SNRK: variants seen among roughly 807,000 people sequenced by gnomAD.
The protein encoded by SNRK is SNF-related serine/threonine-protein kinase.
In SNRK, 3 loss-of-function variants were observed where a neutral mutation model predicts 48.2. That is an observed-to-expected ratio of 0.06 (90% CI 0.03 to 0.16). The LOEUF is 0.16. Ranked by LOEUF, SNRK falls within the 10% of genes least tolerant of loss-of-function variation. The pLI is 1.00. For synonymous variants in SNRK, 376 were observed against 366.1 expected, an observed-to-expected ratio of 1.03 and a Z score of -0.31; for missense variants, 627 against 976.0, an observed-to-expected ratio of 0.64 and a Z score of 4.76.
chr3:43,340,319 A>C lies in SNRK; in HGVS notation c.764A>C (p.Lys255Thr). ...ACACGGATGCTACAGAGAGATCCCA[A>C]GAGAAGGGCTTCTTTAGAAGAGATT... ...LITRMLQRDP[K>T]RRASLEEIEN... The change falls in exon 5 of 7, where the codon AAG (lysine) becomes ACG (threonine). Residue 255 changes from lysine (K) to threonine (T), a missense_variant. Coordinates refer to ENST00000296088, the MANE Select transcript of SNRK (RefSeq NM_017719.5). 1 of 1,614,226 alleles carries C rather than the reference A, an allele frequency of 6.2e-7. No homozygotes were observed. The highest frequency in any genetic ancestry group is 8.5e-7 in the Non-Finnish European group (1 of 1,180,034).
intron 3 of SNRK, among the ~76,000 whole-genome samples, chr3:43,324,734 T>A (rs1279767036): frequency 1.3e-5 from 2 of 152,162 alleles, no homozygotes; most frequent in Non-Finnish European, 2.9e-5. Context: ...CTGATTTTTT[T>A]AATACAGGAA....
chr3:43,317,318 C>G (rs1437993290), intron 3 of SNRK, among the ~76,000 whole-genome samples: 1 of 152,064 alleles, frequency 6.6e-6, no homozygotes, highest in African/African-American at 2.4e-5. Context: ...GTGGAAAGTT[C>G]CAGATGAGAG....
chr3:43,306,322 A>G (rs1428399712), intron 3 of SNRK, among the ~76,000 whole-genome samples: 3 of 152,188 alleles, frequency 2.0e-5, no homozygotes, highest in East Asian at 3.8e-4. Context: ...GTTTAGTAAA[A>G]TGAGCATACA....
intron 3 of SNRK, among the ~76,000 whole-genome samples, chr3:43,318,251 CAT>C (rs1357151890): frequency 1.3e-5 from 2 of 152,048 alleles, no homozygotes; most frequent in African/African-American, 4.8e-5. Context: ...GGTTTTCTCA[CAT>C]GTTTTTAGTT....
chr3:43,296,896 T>C (rs1299802450), intron 1 of SNRK, among the ~76,000 whole-genome samples: 2 of 152,208 alleles, frequency 1.3e-5, no homozygotes, highest in Non-Finnish European at 2.9e-5. Flanking sequence ...ACCCACATGC[T>C]TCAGTTGCTT....
At chr3:43,340,670 T>C in intron 5 of SNRK, 171 bp downstream of exon 5, 1 of 621,176 alleles carries the variant, frequency 1.6e-6, no homozygotes, top group South Asian at 2.1e-5. Flanking sequence ...CACAGGTTTT[T>C]TTTGGTGTTT....
chr3:43,290,481 C>T (rs572438393), intron 1 of SNRK, among the ~76,000 whole-genome samples: 2 of 152,300 alleles, frequency 1.3e-5, no homozygotes, highest in African/African-American at 4.8e-5. Context: ...TGGATTTCTC[C>T]CTTTGCTTAG....
At chr3:43,324,712 T>C (rs1468819834) in intron 3 of SNRK, among the ~76,000 whole-genome samples, 1 of 151,878 alleles carries the variant, frequency 6.6e-6, no homozygotes, top group African/African-American at 2.4e-5. Flanking sequence ...TTGTAATTCC[T>C]AGAAAGATAT....
intron 3 of SNRK, among the ~76,000 whole-genome samples, chr3:43,312,820 A>T (rs1270090931): frequency 1.3e-5 from 2 of 152,220 alleles, no homozygotes; most frequent in African/African-American, 2.4e-5. Context: ...TAGAGACTGA[A>T]ATTTAAAGTC....
At chr3:43,322,375 GA>G (rs1432531069) in intron 3 of SNRK, among the ~76,000 whole-genome samples, 1 of 152,156 alleles carries the variant, frequency 6.6e-6, no homozygotes, top group Non-Finnish European at 1.5e-5. Flanking sequence ...AGAGTCATAA[GA>G]AAAAGGGTAG....
intron 1 of SNRK, among the ~76,000 whole-genome samples, chr3:43,292,987 GA>G (rs1486806479): frequency 1.3e-5 from 2 of 152,184 alleles, no homozygotes; most frequent in African/African-American, 2.4e-5. Context: ...TTTAAGATTT[GA>G]ATGGACAGGG....
intron 3 of SNRK, among the ~76,000 whole-genome samples, chr3:43,331,191 TA>T: frequency 6.6e-6 from 1 of 152,238 alleles, no homozygotes; most frequent in Non-Finnish European, 1.5e-5. Flanking sequence ...CGTTTCTTAT[TA>T]TGTGAATGTT....
At chr3:43,340,538 A>G (rs1243496095) in intron 5 of SNRK, 39 bp downstream of exon 5, 1 of 1,575,196 alleles carries the variant, frequency 6.3e-7, no homozygotes, top group African/African-American at 1.3e-5. Flanking sequence ...CCACAGGTTT[A>G]GGATTCTTGG....
chr3:43,341,754 T>G (rs547035121), intron 5 of SNRK, among the ~76,000 whole-genome samples: 2 of 152,332 alleles, frequency 1.3e-5, no homozygotes, highest in South Asian at 4.1e-4. Flanking sequence ...AGACCCCTGC[T>G]GTGTGTCTTC....
intron 5 of SNRK, among the ~76,000 whole-genome samples, chr3:43,342,118 A>G (rs1027683757): frequency 6.6e-6 from 1 of 152,248 alleles, no homozygotes; most frequent in Non-Finnish European, 1.5e-5. Flanking sequence ...GCTTAAATAA[A>G]TACATATATA....
At chr3:43,345,880 C>T (rs2091271730) in intron 6 of SNRK, among the ~76,000 whole-genome samples, 1 of 152,208 alleles carries the variant, frequency 6.6e-6, no homozygotes, top group African/African-American at 2.4e-5. Context: ...AATTGTAGGG[C>T]TGCCCCAGTA....
intron 3 of SNRK, among the ~76,000 whole-genome samples, chr3:43,313,458 T>C (rs962693460): frequency 2.0e-5 from 3 of 152,198 alleles, no homozygotes; most frequent in African/African-American, 7.2e-5. Context: ...GGTTACATGC[T>C]ATATAATTCC....
chr3:43,319,437 C>G (rs1385846205), intron 3 of SNRK, among the ~76,000 whole-genome samples: 1 of 152,044 alleles, frequency 6.6e-6, no homozygotes. Flanking sequence ...TGGAATGCAG[C>G]CAGGCACAGA....
At chr3:43,332,097 T>C in intron 3 of SNRK, 72 bp from the exon 4 acceptor site, 1 of 1,158,502 alleles carries the variant, frequency 8.6e-7, no homozygotes, top group Non-Finnish European at 1.2e-6. Context: ...TAAAATAATA[T>C]TGTTAGCGCA....
Sources: gnomAD v4.1 joint callset for allele counts (sites outside exome capture counted in the v4.1 genomes callset) on GRCh38, gnomAD v4.1.1 for gene constraint, MANE v1.5 for transcripts, NCBI Gene and HGNC (gene_info 2026-07-23, HGNC 2026-07-21) for gene names.